Variants in SESTD1 observed in about 807,000 individuals in gnomAD.
SESTD1 encodes the protein SEC14 and spectrin domain containing 1, also known as SEC14 domain and spectrin repeat-containing protein 1.
A neutral mutation model predicts 101.7 loss-of-function variants in SESTD1; 43 were observed. The observed-to-expected ratio is 0.42, with a 90% CI of 0.33 to 0.55. SESTD1 has a LOEUF of 0.55. Ranked by LOEUF, SESTD1 falls within the 20% of genes least tolerant of loss-of-function variation. SESTD1 has a pLI of 0.07. For synonymous variants in SESTD1, 283 were observed against 286.8 expected (o/e 0.99, Z 0.13); for missense variants, 647 against 815.1 (o/e 0.79, Z 2.51).
At chr2:179,120,823 T>C (rs1242051505) in intron 13 of SESTD1, among the ~76,000 whole-genome samples, 3 of 152,122 alleles carry the variant, frequency 2.0e-5, no homozygotes, top group Admixed American at 6.6e-5. Context: ...TGAGGAAGAG[T>C]TCTAATGCTA....
chr2:179,219,408 G>A (rs1364141606), intron 1 of SESTD1, among the ~76,000 whole-genome samples: 1 of 152,150 alleles, frequency 6.6e-6, no homozygotes, highest in African/African-American at 2.4e-5. Context: ...GTAGCGTAGG[G>A]GTAACTAAAT....
intron 2 of SESTD1, among the ~76,000 whole-genome samples, chr2:179,188,557 T>C (rs1396831810): frequency 6.6e-6 from 1 of 152,130 alleles, no homozygotes; most frequent in East Asian, 1.9e-4. Context: ...GAGGATCGCT[T>C]AAGCTCAGGA....
rs1398473322 is a variant in SESTD1 at position 179,108,702 on chromosome 2, T to C, written c.*1197A>G. 1 of 151,868 alleles carries C rather than the reference T, an allele frequency of 6.6e-6. No homozygotes were observed. The highest frequency in any genetic ancestry group is 1.5e-5 in the Non-Finnish European group (1 of 67,972). 9.4% of individuals were successfully genotyped at this position (151,868 alleles called of 1,614,324 possible). ...TTGTAATGACTACAAGACTAAAAAA[T>C]AATTTTTAATATTTTAAAAAATGTT... On this transcript the variant is annotated 3_prime_UTR_variant, in exon 18 of 18. Coordinates refer to ENST00000428443, the MANE Select transcript of SESTD1 (RefSeq NM_178123.5).
At position 179,104,745 on chromosome 2, in the gene SESTD1, TA is replaced by T. The variant is rs2044343820; in HGVS notation, c.*5153del. ...AACTACTTTCAGTTAAGAATTCCTA[TA>T]AAATTACATATAGGAATTATACATA... On this transcript the variant is annotated 3_prime_UTR_variant, in exon 18 of 18. Transcript: ENST00000428443. 6.6e-6 allele frequency: 1 copy of T among 152,226 alleles called. No individual in the cohort carries two copies. Among genetic ancestry groups the T allele is most frequent in the African/African-American group, 2.4e-5 (1 of 41,538 alleles). The allele number at this position is 152,226 out of a possible 1,614,324, so 9.4% of individuals were successfully genotyped here.
At chr2:179,169,413 T>C (rs962833411) in intron 5 of SESTD1, among the ~76,000 whole-genome samples, 3 of 151,930 alleles carry the variant, frequency 2.0e-5, no homozygotes, top group African/African-American at 7.3e-5. Flanking sequence ...TAAATCTTTA[T>C]GCAATAAACA....
At chr2:179,132,737 A>T (rs1374528630) in intron 9 of SESTD1, among the ~76,000 whole-genome samples, 1 of 152,242 alleles carries the variant, frequency 6.6e-6, no homozygotes, top group Non-Finnish European at 1.5e-5. Flanking sequence ...CGAAAAGAGA[A>T]TCAGAGAATC....
At chr2:179,150,836 A>C (rs894150741) in intron 6 of SESTD1, among the ~76,000 whole-genome samples, 22 of 152,128 alleles carry the variant, frequency 1.4e-4, no homozygotes, top group Admixed American at 5.2e-4. Context: ...GAAAAAAAAA[A>C]ATTATGCTAC....
At chr2:179,258,835 A>G (rs941173143) in intron 1 of SESTD1, among the ~76,000 whole-genome samples, 4 of 152,270 alleles carry the variant, frequency 2.6e-5, no homozygotes, top group African/African-American at 9.6e-5. Context: ...ATGAAGTATC[A>G]TCTTAAATTA....
chr2:179,113,938 G>T (rs762468128), intron 16 of SESTD1, among the ~76,000 whole-genome samples: 8 of 151,346 alleles, frequency 5.3e-5, no homozygotes, highest in Admixed American at 2.0e-4. Context: ...TGAGGTGATT[G>T]GGGGAGCAGT....
At chr2:179,117,846 G>C (rs2044667524) in intron 13 of SESTD1, among the ~76,000 whole-genome samples, 2 of 152,110 alleles carry the variant, frequency 1.3e-5, no homozygotes, top group East Asian at 3.8e-4. Context: ...CTTAAAGATA[G>C]CATGGATTCT....
intron 1 of SESTD1, among the ~76,000 whole-genome samples, chr2:179,199,051 A>G (rs977414852): frequency 6.6e-6 from 1 of 152,204 alleles, no homozygotes; most frequent in Admixed American, 6.5e-5. Context: ...AAATTGATAG[A>G]GCGCTAGCAA....
chr2:179,104,482 A>C lies in SESTD1; in HGVS notation c.*5417T>G, dbSNP rs546177757. On this transcript the variant is annotated 3_prime_UTR_variant, in exon 18 of 18. Coordinates refer to ENST00000428443, the MANE Select transcript of SESTD1 (RefSeq NM_178123.5). ...AAAGAAGTGAGGCTTGGTCATAAATAGTGAGTGGTCTACTGTGTTCTGAGT... is the reference window on the plus strand; with the variant it reads ...AAAGAAGTGAGGCTTGGTCATAAATCGTGAGTGGTCTACTGTGTTCTGAGT... 6.6e-6 allele frequency: 1 copy of C among 152,308 alleles called. No individual in the cohort carries two copies. Among genetic ancestry groups the C allele is most frequent in the South Asian group, 2.1e-4 (1 of 4,828 alleles). The allele number at this position is 152,308 out of a possible 1,614,324, so 9.4% of individuals were successfully genotyped here.
At chr2:179,124,674 A>ATTATTTTTTTC (rs2044830429) in intron 10 of SESTD1, 116 bp from the exon 11 acceptor site, 5 of 801,886 alleles carry the variant, frequency 6.2e-6, no homozygotes, top group Non-Finnish European at 9.7e-6. Context: ...TTCTAAGGCA[A>ATTATTTTTTTC]AATTATTAAA....
intron 7 of SESTD1, among the ~76,000 whole-genome samples, chr2:179,148,038 G>A (rs935406888): frequency 5.9e-5 from 9 of 152,104 alleles, no homozygotes; most frequent in Non-Finnish European, 1.2e-4. Context: ...GGCATCTGTA[G>A]GATGGAAACA....
chr2:179,196,144 G>A (rs1274796059), intron 1 of SESTD1, among the ~76,000 whole-genome samples: 1 of 152,236 alleles, frequency 6.6e-6, no homozygotes, highest in African/African-American at 2.4e-5. Context: ...CCTCACGCAG[G>A]AAGCGCAAGG....
chr2:179,129,921 C>G (rs1187863872), intron 10 of SESTD1, among the ~76,000 whole-genome samples: 1 of 152,170 alleles, frequency 6.6e-6, no homozygotes. Context: ...TCCTATCCAG[C>G]TTCAATAATG....
intron 5 of SESTD1, among the ~76,000 whole-genome samples, chr2:179,155,794 G>C (rs1291622767): frequency 6.6e-6 from 1 of 152,086 alleles, no homozygotes; most frequent in African/African-American, 2.4e-5. Context: ...AGTTACATGA[G>C]TAATTTCTTT....
chr2:179,145,814 C>T (rs2045382349), intron 8 of SESTD1, among the ~76,000 whole-genome samples: 1 of 152,108 alleles, frequency 6.6e-6, no homozygotes, highest in African/African-American at 2.4e-5. Context: ...CTAATTATCT[C>T]AAAGGCTTGT....
At chr2:179,264,285 G>A (rs2105566495) in intron 1 of SESTD1, 1 of 152,266 alleles carries the variant, frequency 6.6e-6, no homozygotes, top group Admixed American at 6.5e-5. Flanking sequence ...TGGCGGCAAG[G>A]CGGTGGGGGC....
Sources: gnomAD v4.1 joint callset for allele counts (sites outside exome capture counted in the v4.1 genomes callset) on GRCh38, gnomAD v4.1.1 for gene constraint, MANE v1.5 for transcripts, NCBI Gene and HGNC (gene_info 2026-07-23, HGNC 2026-07-21) for gene names.